Variants in NEB observed in about 807,000 individuals in gnomAD.
NEB encodes the protein nebulin.
In NEB, 512 loss-of-function variants were observed where a neutral mutation model predicts 952.2. The ratio of observed to expected loss-of-function variants is 0.54; its 90% CI spans 0.50 to 0.58. The LOEUF (loss-of-function observed/expected upper bound fraction) is 0.58, where lower values mean the gene tolerates loss of function less well. NEB is among the 20% of genes least tolerant of loss of function. NEB has a pLI of 0.00. For missense variants in NEB, 8,428 were observed against 9,231.1 expected (o/e 0.91, Z 3.56); for synonymous variants, 2,900 against 3,149.8 (o/e 0.92, Z 2.66).
intron 9 of NEB, among the ~76,000 whole-genome samples, chr2:151,723,165 G>C (rs193136587): frequency 2.6e-5 from 4 of 152,188 alleles, no homozygotes; most frequent in Non-Finnish European, 5.9e-5. Flanking sequence ...CCACCTATAA[G>C]AAGAGGGAAC....
At position 151,491,757 on chromosome 2, in the gene NEB, G is replaced by A; in HGVS notation, c.25076C>T (p.Thr8359Ile). ...ATAGTCAAAAACCGAACCAGGATTA[G>A]TACGCCAGACACGTAAACCTGAAAG... ...ETITGLRVWRTNPGSVFDYDP... is the reference protein window; with the variant it reads ...ETITGLRVWRINPGSVFDYDP... Residue 8359 changes from threonine to isoleucine, a missense_variant, in exon 179 of 182, where the codon ACT (threonine) becomes ATT (isoleucine). Around this residue, in one of 11 missense-constraint regions of NEB, gnomAD observed 3,374 missense variants for 3,651.5 expected, o/e 0.92. Coordinates refer to ENST00000397345, the MANE Select transcript of NEB (RefSeq NM_001164508.2). 1 of 1,591,610 alleles carries A rather than the reference G, an allele frequency of 6.3e-7. No homozygotes were observed. Among genetic ancestry groups the A allele is most frequent in the African/African-American group, 1.3e-5 (1 of 74,704 alleles).
chr2:151,571,537 G>GT (rs1352562769), intron 107 of NEB, among the ~76,000 whole-genome samples: 1 of 151,602 alleles, frequency 6.6e-6, no homozygotes, highest in Admixed American at 6.6e-5. Flanking sequence ...ACATTTGTGG[G>GT]TTTTTTTCAA....
chr2:151,579,110 A>T (rs2097029353), intron 105 of NEB, among the ~76,000 whole-genome samples: 1 of 149,562 alleles, frequency 6.7e-6, no homozygotes, highest in Non-Finnish European at 1.5e-5. Context: ...AAAAAAAAGT[A>T]AGAAACTGGA....
At chr2:151,607,653 G>A in intron 82 of NEB, 45 bp from the exon 83 acceptor site, 1 of 384,596 alleles carries the variant, frequency 2.6e-6, no homozygotes, top group Non-Finnish European at 4.7e-6. Flanking sequence ...GAAACATTAA[G>A]CCTTAGCTAA....
intron 142 of NEB, chr2:151,534,298 C>G (rs1354432941): frequency 1.9e-6 from 3 of 1,613,458 alleles, no homozygotes; most frequent in African/African-American, 1.3e-5. Context: ...TTCCGCTGCT[C>G]ATAATCAGCT....
intron 27 of NEB, 38 bp downstream of exon 27, chr2:151,687,381 C>A (rs200289181): frequency 6.5e-7 from 1 of 1,546,026 alleles, no homozygotes; most frequent in Admixed American, 1.7e-5. Flanking sequence ...AACAGGGAGT[C>A]CATCTTGAAA....
intron 117 of NEB, among the ~76,000 whole-genome samples, chr2:151,564,779 T>C (rs1387247612): frequency 2.0e-5 from 3 of 152,210 alleles, no homozygotes. Flanking sequence ...TTGCACGATC[T>C]CCTGAAGGCT....
At chr2:151,488,539 TG>T (rs1368779824) in intron 181 of NEB, among the ~76,000 whole-genome samples, 1 of 151,780 alleles carries the variant, frequency 6.6e-6, no homozygotes, top group Non-Finnish European at 1.5e-5. Context: ...CTAGCTATTC[TG>T]GTGGCTGAGG....
intron 39 of NEB, among the ~76,000 whole-genome samples, chr2:151,668,323 A>G (rs1294557162): frequency 1.3e-5 from 2 of 152,178 alleles, no homozygotes; most frequent in Admixed American, 1.3e-4. Context: ...TAAAACTAAA[A>G]ATCCAGATGT....
At chr2:151,577,942 G>A (rs978394274) in intron 105 of NEB, among the ~76,000 whole-genome samples, 3 of 152,116 alleles carry the variant, frequency 2.0e-5, no homozygotes, top group African/African-American at 7.2e-5. Flanking sequence ...ACAATGCCTG[G>A]CACATGGTGT....
intron 124 of NEB, 114 bp downstream of exon 124, chr2:151,560,478 G>T: frequency 1.2e-6 from 1 of 801,070 alleles, no homozygotes; most frequent in Middle Eastern, 3.3e-4. Context: ...CATGCCCACG[G>T]GAGTGCTAGG....
chr2:151,696,669 G>T lies in NEB; in HGVS notation c.1537C>A (p.Gln513Lys), dbSNP rs1171781332. ...TQVTDSPVLL[Q>K]AQVNSKQLSD... ...AGTTGTTTGGAATTGACTTGGGCTT[G>T]TAGCAGAACAGGAGAGTCTGTAACT... The change falls in exon 17 of 182, where the codon CAA becomes AAA. Residue 513 changes from glutamine (Q) to lysine (K), a missense_variant. This residue lies in a region of NEB where 2,851 missense variants were observed against 2,791.5 expected (regional missense o/e 1.02). Transcript: ENST00000397345. 1 of 1,613,850 alleles carries T rather than the reference G, an allele frequency of 6.2e-7. No homozygotes were observed. The highest frequency in any genetic ancestry group is 1.7e-5 in the Admixed American group (1 of 60,028).
intron 63 of NEB, 133 bp from the exon 64 acceptor site, chr2:151,636,467 C>T (rs907398929): frequency 2.8e-5 from 21 of 741,270 alleles, no homozygotes; most frequent in Non-Finnish European, 2.1e-6. Context: ...AAGCCTTCTG[C>T]ATGTTTGTTG....
chr2:151,518,331 T>C lies in NEB; in HGVS notation c.22787A>G (p.Glu7596Gly), dbSNP rs761154371. ...TGATCCACTTACTATACTCTGTAAT[T>C]CTGTGGCCTCTTTTAGGTGAAGCTG... ...LEQLHLKEAT[E>G]LQSIVKYKEK... Residue 7596 changes from glutamate (E) to glycine (G), a missense_variant, in exon 156 of 182, where the codon GAA (glutamate) becomes GGA (glycine). Transcript: ENST00000397345. 4.4e-6 allele frequency: 7 copies of C among 1,604,606 alleles called. No individual in the cohort carries two copies.
chr2:151,610,668 A>C (rs373751073), intron 79 of NEB, 45 bp from the exon 80 acceptor site: 2 of 1,577,408 alleles, frequency 1.3e-6, no homozygotes, highest in African/African-American at 2.7e-5. Flanking sequence ...GTGTTTGAGG[A>C]AGGTAATAGG....
intron 75 of NEB, among the ~76,000 whole-genome samples, chr2:151,616,802 T>C (rs2098215672): frequency 6.6e-6 from 1 of 152,212 alleles, no homozygotes; most frequent in Admixed American, 6.5e-5. Context: ...TATTTTAAAA[T>C]GTACTCTATT....
intron 77 of NEB, among the ~76,000 whole-genome samples, chr2:151,613,667 C>A (rs150261574): frequency 4.8e-4 from 73 of 152,244 alleles, no homozygotes; most frequent in African/African-American, 1.6e-3. Context: ...GAGGAGGGGC[C>A]TGGTGGGAGG....
At chr2:151,637,936 T>C (rs1391078517) in intron 63 of NEB, among the ~76,000 whole-genome samples, 2 of 152,238 alleles carry the variant, frequency 1.3e-5, no homozygotes, top group East Asian at 3.9e-4. Flanking sequence ...TAAATTATGC[T>C]CTGTGTGTTG....
At chr2:151,651,815 A>G (rs938439886) in intron 52 of NEB, among the ~76,000 whole-genome samples, 6 of 152,190 alleles carry the variant, frequency 3.9e-5, no homozygotes, top group Non-Finnish European at 8.8e-5. Context: ...GTTTAAGTGG[A>G]CTTTAACTTC....
Sources: allele counts gnomAD v4.1 joint callset (sites outside exome capture counted in the v4.1 genomes callset), GRCh38; gene constraint gnomAD v4.1.1; regional missense constraint gnomAD v4.1.1; transcripts MANE v1.5; gene names NCBI Gene and HGNC (gene_info 2026-07-23, HGNC 2026-07-21).